Variants in CATSPERD observed in about 807,000 individuals in gnomAD.
CATSPERD encodes catsper channel auxiliary subunit delta.
A neutral mutation model predicts 98.1 loss-of-function variants in CATSPERD; 86 were observed. The ratio of observed to expected loss-of-function variants is 0.88; its 90% CI spans 0.74 to 1.05. The LOEUF is 1.05. Among genes scored for constraint, CATSPERD ranks in the 50% least tolerant of loss-of-function variants. The probability of loss-of-function intolerance (pLI) is 0.00; values close to 1 mark genes in which losing one functional copy is unlikely to be tolerated. For synonymous variants in CATSPERD, 394 were observed against 390.2 expected (o/e 1.01, Z -0.12); for missense variants, 995 against 1,005.7 (o/e 0.99, Z 0.14).
chr19:5,759,440 C>A (rs1175531028), intron 15 of CATSPERD, among the ~76,000 whole-genome samples: 2 of 151,692 alleles, frequency 1.3e-5, no homozygotes, highest in African/African-American at 4.8e-5. Flanking sequence ...TGGCAGGCAC[C>A]TGTAATTTCA....
At chr19:5,763,316 C>A in intron 16 of CATSPERD, 23 bp downstream of exon 16, 1 of 1,594,730 alleles carries the variant, frequency 6.3e-7, no homozygotes, top group South Asian at 1.1e-5. Context: ...TCTTTGCTGT[C>A]CCATATTCGG....
chr19:5,745,127 G>A (rs2056069350), intron 8 of CATSPERD, among the ~76,000 whole-genome samples: 1 of 151,394 alleles, frequency 6.6e-6, no homozygotes, highest in Non-Finnish European at 1.5e-5. Context: ...ATTTTCAGTA[G>A]TGACAGGGTT....
At chr19:5,730,751 G>A (rs973961786) in intron 4 of CATSPERD, among the ~76,000 whole-genome samples, 8 of 151,052 alleles carry the variant, frequency 5.3e-5, no homozygotes, top group East Asian at 2.0e-4. Flanking sequence ...GGTGGCTCAC[G>A]CCTGTAATCC....
chr19:5,730,913 A>G (rs954018393), intron 4 of CATSPERD, among the ~76,000 whole-genome samples: 120 of 152,184 alleles, frequency 7.9e-4, no homozygotes, highest in Middle Eastern at 3.4e-3. Flanking sequence ...AGGCAGGAGA[A>G]TGGCTTGAAC....
Position 5,745,945 on chromosome 19 carries a change from C to CCGGAGTTT in CATSPERD, c.694_701dup (p.Leu235ValfsTer12), listed in dbSNP as rs1177933478. On this transcript the variant is annotated frameshift_variant, in exon 9 of 22. Coordinates refer to ENST00000381624, the MANE Select transcript of CATSPERD (RefSeq NM_152784.4). LOFTEE classifies it high-confidence loss of function. Reference sequence around the variant, plus strand: ...TCAAGTACTCAGATCACCCCCTCAACCGGAGTTTCGGGCTGTCTTTTGACT... The same window carrying CCGGAGTTT: ...TCAAGTACTCAGATCACCCCCTCAACCGGAGTTTCGGAGTTTCGGGCTGTCTTTTGACT... The CCGGAGTTT allele has an allele frequency of 1.2e-6, 2 of 1,614,144 alleles. No individual in the cohort carries two copies. The highest frequency in any genetic ancestry group is 2.2e-5 in the South Asian group (2 of 91,078).
rs182881787 is a variant in CATSPERD at position 5,761,349 on chromosome 19, G to A, written c.1428-1866G>A. Among the ~76,000 whole-genome samples, 20 of 149,138 alleles carry A rather than the reference G, an allele frequency of 1.3e-4. 1 individual carries two copies. The highest frequency in any genetic ancestry group is 1.2e-3 in the Admixed American group (17 of 14,678). On this transcript the variant is annotated intron_variant, in intron 15 of 21. Transcript: ENST00000381624. ...ACTCCTGACCTCAGGTGGTCCGTCC[G>A]CGTCAGCCTCCCAAAGTGCTAGAAT...
At position 5,778,380 on chromosome 19, in the gene CATSPERD, T is replaced by C; in HGVS notation, c.2101T>C (p.Cys701Arg). Residue 701 changes from cysteine to arginine, a missense_variant, in exon 22 of 22, where the codon TGT becomes CGT. By Grantham distance (180) the Cys-to-Arg change is radical. Transcript: ENST00000381624. ...ISIVDPYYSY[C>R]QLETIFSIYV... The stretch of plus-strand genomic sequence containing the variant: ...CCCCGCCTCCCCCCACCGCAGCTAC[T>C]GTCAACTGGAGACCATCTTTAGCAT... 1 of 1,602,446 alleles carries C rather than the reference T, an allele frequency of 6.2e-7. No homozygotes were observed. The highest frequency in any genetic ancestry group is 1.7e-4 in the Middle Eastern group (1 of 6,020).
chr19:5,773,177 G>GC (rs952937839), intron 20 of CATSPERD, among the ~76,000 whole-genome samples: 16 of 152,078 alleles, frequency 1.1e-4, no homozygotes, highest in African/African-American at 3.9e-4. Context: ...CATGGCAAAA[G>GC]CCCGTCTCTA....
rs1568375867 is a variant in CATSPERD, at chr19:5,772,793, GAA to G, written c.1772_1773del (p.Lys591ArgfsTer117). 1.2e-6 allele frequency: 2 copies of G among 1,613,594 alleles called. No individual in the cohort carries two copies. The highest frequency in any genetic ancestry group is 1.7e-6 in the Non-Finnish European group (2 of 1,179,714). On this transcript the variant is annotated frameshift_variant, in exon 20 of 22. Transcript: ENST00000381624. LOFTEE classifies it high-confidence loss of function. ...GCCCCGTGCCTGTGTCCTAGGTGGC[GAA>G]AAGACAGTTTCCAGGAGGTCATCGA...
chr19:5,776,387 G>T (rs1599605553), intron 21 of CATSPERD, 72 bp downstream of exon 21: 2 of 1,554,466 alleles, frequency 1.3e-6, no homozygotes, highest in Non-Finnish European at 1.8e-6. Context: ...CGTTTCGGGG[G>T]ACATGCAGGT....
intron 4 of CATSPERD, among the ~76,000 whole-genome samples, chr19:5,732,758 C>T (rs1040100589): frequency 1.3e-5 from 2 of 152,162 alleles, no homozygotes; most frequent in Non-Finnish European, 2.9e-5. Context: ...TCACTGCAAC[C>T]TCTGCCTCCT....
At position 5,748,011 on chromosome 19, in the gene CATSPERD, G is replaced by A; in HGVS notation, c.809-149G>A. 8.1e-6 allele frequency: 5 copies of A among 615,924 alleles called. No individual in the cohort carries two copies. The South Asian group carries it at 9.6e-5, about 12-fold the overall frequency. The allele number at this position is 615,924 out of a possible 1,614,324, so 38.2% of individuals were successfully genotyped here. On this transcript the variant is annotated intron_variant, in intron 9 of 21. Coordinates refer to ENST00000381624, the MANE Select transcript of CATSPERD (RefSeq NM_152784.4). ...TCCTTGATTCATTCTCCTTTGAATA[G>A]CAAACCTCTCAAAAGCTATAAGGAA...
chr19:5,755,268 G>T (rs2056303169), intron 13 of CATSPERD, among the ~76,000 whole-genome samples: 1 of 151,996 alleles, frequency 6.6e-6, no homozygotes, highest in South Asian at 2.1e-4. Flanking sequence ...AAGTGTCTAA[G>T]CCTAGGCATT....
chr19:5,775,274 G>A (rs564035777), intron 20 of CATSPERD: 3 of 471,408 alleles, frequency 6.4e-6, no homozygotes, highest in East Asian at 6.9e-5. Flanking sequence ...GGGAAGAAGA[G>A]AGCTCCCCGC....
At position 5,720,690 on chromosome 19, in the gene CATSPERD, C is replaced by G; in HGVS notation, c.-48C>G. The G allele has an allele frequency of 6.4e-7, 1 of 1,569,190 alleles. No individual in the cohort carries two copies. Among genetic ancestry groups the G allele is most frequent in the South Asian group, 1.1e-5 (1 of 89,250 alleles). On this transcript the variant is annotated 5_prime_UTR_variant, in exon 1 of 22. Coordinates refer to ENST00000381624, the MANE Select transcript of CATSPERD (RefSeq NM_152784.4). ...TGCACGTACTCGGATTGTGCAGCGA[C>G]TCCCCGTGGCGGTTGAGGGGCAGTG...
At chr19:5,756,136 C>G (rs2056319912) in intron 13 of CATSPERD, among the ~76,000 whole-genome samples, 1 of 151,940 alleles carries the variant, frequency 6.6e-6, no homozygotes, top group Admixed American at 6.6e-5. Flanking sequence ...CAAAAATTAG[C>G]CGGGTGTGGT....
In CATSPERD at chr19:5,766,939, C is replaced by T. The variant is rs546401079; in HGVS notation, c.1559+784C>T. Among the ~76,000 whole-genome samples, 193 of 151,838 alleles carry T rather than the reference C, an allele frequency of 1.3e-3. 1 individual carries two copies. The highest frequency in any genetic ancestry group is 3.4e-3 in the African/African-American group (140 of 41,450). On this transcript the variant is annotated intron_variant, in intron 17 of 21. Transcript: ENST00000381624. Reference sequence around the variant, plus strand: ...AAATCCTGACCTCAAGTGATTTGCCCGCCTCAGCCTCTCAAAGTGCTGGGA... The same window carrying T: ...AAATCCTGACCTCAAGTGATTTGCCTGCCTCAGCCTCTCAAAGTGCTGGGA...
chr19:5,768,857 G>C (rs1263704482), intron 18 of CATSPERD, among the ~76,000 whole-genome samples: 1 of 152,082 alleles, frequency 6.6e-6, no homozygotes, highest in Non-Finnish European at 1.5e-5. Flanking sequence ...ACTACCTGAG[G>C]CTGGGTGATT....
chr19:5,773,647 G>A (rs1568376670), intron 20 of CATSPERD, among the ~76,000 whole-genome samples: 1 of 151,416 alleles, frequency 6.6e-6, no homozygotes, highest in Non-Finnish European at 1.5e-5. Context: ...CTCCCAATTA[G>A]CTGGGACTAC....
Sources: gnomAD v4.1 joint callset for allele counts (sites outside exome capture counted in the v4.1 genomes callset) on GRCh38, gnomAD v4.1.1 for gene constraint, MANE v1.5 for transcripts, NCBI Gene and HGNC (gene_info 2026-07-23, HGNC 2026-07-21) for gene names.